Variants in SYNE1 observed in about 807,000 individuals in gnomAD.
The protein encoded by SYNE1 is spectrin repeat containing nuclear envelope protein 1.
SYNE1 carries 616 observed loss-of-function variants against 1,111.0 expected under a neutral mutation model. That is an observed-to-expected ratio of 0.55 (90% confidence interval 0.52 to 0.59). The LOEUF (loss-of-function observed/expected upper bound fraction) is 0.59. Ranked by LOEUF, SYNE1 falls within the 20% of genes least tolerant of loss-of-function variation. The pLI is 0.00. For missense variants in SYNE1, 10,006 were observed against 10,417.0 expected, an observed-to-expected ratio of 0.96 and a Z score of 1.72; for synonymous variants, 3,855 against 3,825.8, an observed-to-expected ratio of 1.01 and a Z score of -0.28.
chr6:152,427,963 T>C (rs2098385787), intron 37 of SYNE1, 147 bp from the exon 38 acceptor site: 4 of 1,253,358 alleles, frequency 3.2e-6, no homozygotes, highest in Non-Finnish European at 4.5e-6. Flanking sequence ...CAAAAATCCC[T>C]CCTTTTATTT....
At chr6:152,502,578 G>T in intron 10 of SYNE1, 55 bp downstream of exon 10, 2 of 1,337,674 alleles carry the variant, frequency 1.5e-6, no homozygotes, top group Non-Finnish European at 2.2e-6. Flanking sequence ...TACTCAAAAA[G>T]CTGAGTCACT....
intron 77 of SYNE1, among the ~76,000 whole-genome samples, 170 bp from the exon 78 acceptor site, chr6:152,332,060 C>T (rs138191354): frequency 3.9e-5 from 6 of 152,256 alleles, no homozygotes; most frequent in East Asian, 1.9e-4. Context: ...CGGCAACCTC[C>T]GCCTCCCAGG....
At chr6:152,200,076 C>T (rs896944834) in intron 127 of SYNE1, among the ~76,000 whole-genome samples, 1 of 152,162 alleles carries the variant, frequency 6.6e-6, no homozygotes, top group Admixed American at 6.5e-5. Flanking sequence ...TCTACCCCCC[C>T]AACTCGAGCA....
intron 56 of SYNE1, among the ~76,000 whole-genome samples, chr6:152,378,141 T>C (rs1485917303): frequency 1.3e-5 from 2 of 152,154 alleles, no homozygotes; most frequent in East Asian, 3.9e-4. Context: ...AAGTGTCTAA[T>C]TCATAAAATC....
At chr6:152,126,297 AG>A (rs1053676429) in intron 145 of SYNE1, 1 of 152,296 alleles carries the variant, frequency 6.6e-6, no homozygotes, top group Admixed American at 6.5e-5. Flanking sequence ...CCTCATCTTC[AG>A]GGGGAACTTG....
intron 104 of SYNE1, among the ~76,000 whole-genome samples, chr6:152,249,785 CA>C (rs2088561204): frequency 6.6e-6 from 1 of 151,924 alleles, no homozygotes; most frequent in Admixed American, 6.6e-5. Context: ...AAATATTATC[CA>C]TGATGGCCAA....
intron 127 of SYNE1, among the ~76,000 whole-genome samples, chr6:152,191,427 G>A (rs1744836626): frequency 6.6e-6 from 1 of 152,056 alleles, no homozygotes; most frequent in Admixed American, 6.6e-5. Flanking sequence ...TCTTTGCTGG[G>A]AGACTTTTTA....
Position 152,451,038 on chromosome 6 carries a change from G to A in SYNE1, c.3186+9C>T, listed in dbSNP as rs2098644336. ...CACGGCTATCCACATTGTGGTGTGG[G>A]AGACGTACCCTGTGCTCTTTAATTA... On this transcript the variant is annotated intron_variant, in intron 26 of 145. Coordinates refer to ENST00000367255, the MANE Select transcript of SYNE1 (RefSeq NM_182961.4). 1 of 1,614,102 alleles carries A rather than the reference G, an allele frequency of 6.2e-7. No homozygotes were observed. The highest frequency in any genetic ancestry group is 8.5e-7 in the Non-Finnish European group (1 of 1,180,016).
chr6:152,273,934 C>T (rs1393615039), intron 98 of SYNE1, among the ~76,000 whole-genome samples: 1 of 152,154 alleles, frequency 6.6e-6, no homozygotes, highest in Non-Finnish European at 1.5e-5. Context: ...TCCCTTACTA[C>T]CTGCCTCTAG....
Position 152,331,142 on chromosome 6 carries a change from C to G in SYNE1, c.13543G>C (p.Ala4515Pro), listed in dbSNP as rs760633976. 1.3e-5 allele frequency: 21 copies of G among 1,613,978 alleles called. No homozygotes were observed. The highest frequency in any genetic ancestry group is 2.7e-5 in the African/African-American group (2 of 74,906). ...TCCTTCATTAGTTCGCGACCCTGGGCCCAAAGTCCAGTGACTTCATTTTGG... is the reference window on the plus strand; with the variant it reads ...TCCTTCATTAGTTCGCGACCCTGGGGCCAAAGTCCAGTGACTTCATTTTGG... The part of the protein sequence containing the change: ...TYQNEVTGLW[A>P]QGRELMKEVT... Residue 4515 changes from alanine (A) to proline (P), a missense_variant, in exon 78 of 146, where the codon GCC becomes CCC. This residue lies in a region of SYNE1 where 4,955 missense variants were observed against 5,017.2 expected (regional missense o/e 0.99). Transcript: ENST00000367255.
At chr6:152,232,310 A>G (rs1234313354) in intron 112 of SYNE1, 45 bp from the exon 113 acceptor site, 2 of 1,606,482 alleles carry the variant, frequency 1.2e-6, no homozygotes, top group Middle Eastern at 1.7e-4. Context: ...TTAAAATGGA[A>G]ACCCCAACTT....
intron 51 of SYNE1, among the ~76,000 whole-genome samples, chr6:152,391,971 T>C (rs1041558780): frequency 6.6e-6 from 1 of 152,234 alleles, no homozygotes; most frequent in Non-Finnish European, 1.5e-5. Flanking sequence ...CCTGCTGTCT[T>C]GTATCTACAT....
Position 152,204,390 on chromosome 6 carries a change from CAAGA to C in SYNE1, c.23019+1774_23019+1777del, listed in dbSNP as rs1304785753. Reference sequence around the variant, plus strand: ...CAAAAAAAAAAAAAAGAAAAAAAAACAAGAAAGAAAGATAAAAAAGATCAGCTTC... The same window carrying C: ...CAAAAAAAAAAAAAAGAAAAAAAAACAAGAAAGATAAAAAAGATCAGCTTC... On this transcript the variant is annotated intron_variant, in intron 126 of 145. Coordinates refer to ENST00000367255, the MANE Select transcript of SYNE1 (RefSeq NM_182961.4). 2.8e-5 allele frequency among the ~76,000 whole-genome samples: 4 copies of C among 141,614 alleles called. No individual in the cohort carries two copies. In the Admixed American group the frequency reaches 2.8e-4, roughly 10 times the overall value. 92.9% of individuals were successfully genotyped at this position (141,614 alleles called of 152,430 possible).
intron 129 of SYNE1, 130 bp downstream of exon 129, chr6:152,180,006 G>C (rs2067545446): frequency 9.5e-7 from 1 of 1,050,442 alleles, no homozygotes; most frequent in Non-Finnish European, 1.4e-6. Context: ...ATATTAAAAA[G>C]ATAAAATGTT....
At chr6:152,542,894 C>G (rs919241355) in intron 3 of SYNE1, among the ~76,000 whole-genome samples, 7 of 152,036 alleles carry the variant, frequency 4.6e-5, no homozygotes, top group Non-Finnish European at 5.9e-5. Context: ...AAAATAGACA[C>G]AGTTAGATTA....
At chr6:152,136,563 A>T in intron 141 of SYNE1, 55 bp downstream of exon 141, 1 of 1,602,550 alleles carries the variant, frequency 6.2e-7, no homozygotes, top group Non-Finnish European at 8.5e-7. Context: ...TCACACACTC[A>T]GCTAAATTGC....
intron 3 of SYNE1, among the ~76,000 whole-genome samples, chr6:152,602,526 C>T (rs899103065): frequency 3.3e-5 from 5 of 152,116 alleles, no homozygotes; most frequent in Non-Finnish European, 7.4e-5. Flanking sequence ...ATATGACCAT[C>T]CTAGCAAGGT....
intron 41 of SYNE1, among the ~76,000 whole-genome samples, 164 bp downstream of exon 41, chr6:152,416,223 C>A (rs1488011396): frequency 6.6e-6 from 1 of 152,194 alleles, no homozygotes; most frequent in African/African-American, 2.4e-5. Flanking sequence ...AAGGCAGCTG[C>A]TTGCATGACT....
rs1176454006 is a variant in SYNE1 at position 152,239,664 on chromosome 6, T to C, written c.19936A>G (p.Thr6646Ala). The C allele has an allele frequency of 1.9e-6, 3 of 1,614,102 alleles. No homozygotes were observed. Among genetic ancestry groups the C allele is most frequent in the Non-Finnish European group, 2.5e-6 (3 of 1,180,038 alleles). Residue 6646 changes from threonine to alanine, a missense_variant, in exon 108 of 146, where the codon ACA becomes GCA. By Grantham distance (58) the Thr-to-Ala change is moderately conservative. Coordinates refer to ENST00000367255, the MANE Select transcript of SYNE1 (RefSeq NM_182961.4). ...GLESHMILTE[T>A]LFRKIISFAV... is the part of the protein sequence containing the mutation. Reference sequence around the variant, plus strand: ...AAGCTGATTATCTTTCTGAAGAGTGTTTCAGTCAAGATCATATGAGATTCC... The same window carrying C: ...AAGCTGATTATCTTTCTGAAGAGTGCTTCAGTCAAGATCATATGAGATTCC...
Sources: gnomAD v4.1 joint callset for allele counts (sites outside exome capture counted in the v4.1 genomes callset) on GRCh38, gnomAD v4.1.1 for gene constraint, gnomAD v4.1.1 regional missense constraint, MANE v1.5 for transcripts, NCBI Gene and HGNC (gene_info 2026-07-23, HGNC 2026-07-21) for gene names.